The following MACF1 variants were observed in gnomAD, a reference collection of about 807,000 sequenced individuals.
The protein encoded by MACF1 is microtubule actin crosslinking factor 1.
In MACF1, 193 loss-of-function variants were observed where a neutral mutation model predicts 854.8. The observed-to-expected ratio is 0.23, with a 90% confidence interval of 0.20 to 0.25. MACF1 has a LOEUF of 0.25. MACF1 is among the 10% of genes least tolerant of loss of function. The pLI is 1.00. For missense variants in MACF1, 7,722 were observed against 8,929.1 expected (o/e 0.86, Z 5.45); for synonymous variants, 3,185 against 3,226.7 (o/e 0.99, Z 0.44).
At chr1:39,414,066 C>G in intron 58 of MACF1, 4 of 1,605,876 alleles carry the variant, frequency 2.5e-6, no homozygotes, top group Middle Eastern at 1.7e-4. Context: ...CAGAGGAACT[C>G]AGTTCCCCAG....
chr1:39,382,565 G>A (rs531435298), intron 56 of MACF1, among the ~76,000 whole-genome samples: 64 of 151,948 alleles, frequency 4.2e-4, no homozygotes, highest in Admixed American at 7.2e-4. Flanking sequence ...TTAGCCAGGC[G>A]TGGTGGCATG....
chr1:39,100,616 G>A (rs138307452), intron 2 of MACF1, among the ~76,000 whole-genome samples: 2,382 of 151,656 alleles, frequency 0.016, 68 homozygotes, highest in African/African-American at 0.055. Flanking sequence ...AACTTTGGGA[G>A]GCTGAGGTGG....
At chr1:39,102,631 T>C (rs933043987) in intron 2 of MACF1, 20 of 623,494 alleles carry the variant, frequency 3.2e-5, no homozygotes, top group Middle Eastern at 5.1e-4. Flanking sequence ...GGGTATTTGA[T>C]GAGGCTTTAA....
rs1173748558 is a variant in MACF1, at chr1:39,323,011, G to A, written c.4236+3G>A. ...TCCGGCGTCTGGAGGAGGAGGAGGTGAGGACAGTTGGGTCCAAAGTCATCT... is the reference window on the plus strand; with the variant it reads ...TCCGGCGTCTGGAGGAGGAGGAGGTAAGGACAGTTGGGTCCAAAGTCATCT... On this transcript the variant is annotated splice_donor_region_variant and intron_variant, in intron 33 of 100. Transcript: ENST00000564288. 1 of 1,613,882 alleles carries A rather than the reference G, an allele frequency of 6.2e-7. No individual in the cohort carries two copies. Among genetic ancestry groups the A allele is most frequent in the East Asian group, 2.2e-5 (1 of 44,892 alleles).
chr1:39,279,395 G>A (rs1645499883), intron 6 of MACF1, among the ~76,000 whole-genome samples: 1 of 151,126 alleles, frequency 6.6e-6, no homozygotes, highest in East Asian at 1.9e-4. Flanking sequence ...AAAGTTCCTG[G>A]CCCTTTTTTT....
At chr1:39,438,279 A>G (rs1346622391) in intron 71 of MACF1, among the ~76,000 whole-genome samples, 3 of 152,250 alleles carry the variant, frequency 2.0e-5, no homozygotes, top group Non-Finnish European at 2.9e-5. Flanking sequence ...AATAGTGGGT[A>G]GAACATAGCT....
chr1:39,453,671 T>C (rs1644382254), intron 87 of MACF1, 36 bp from the exon 88 acceptor site: 1 of 1,605,608 alleles, frequency 6.2e-7, no homozygotes. Context: ...TAATGTAGAC[T>C]TTTTACGTTT....
intron 58 of MACF1, among the ~76,000 whole-genome samples, chr1:39,390,661 T>C (rs1055279310): frequency 6.6e-6 from 1 of 152,234 alleles, no homozygotes; most frequent in Non-Finnish European, 1.5e-5. Flanking sequence ...CTTTCCTCTT[T>C]TGTTATAAGT....
At position 39,310,204 on chromosome 1, in the gene MACF1, T is replaced by C. The variant is rs755925645; in HGVS notation, c.2917-41T>C. ...ATGGAGGAAAAGAGGAAGTGTTACATTTTTATTCTGTTGCAATTTCTTCTG... is the reference window on the plus strand; with the variant it reads ...ATGGAGGAAAAGAGGAAGTGTTACACTTTTATTCTGTTGCAATTTCTTCTG... On this transcript the variant is annotated intron_variant, in intron 24 of 100. Transcript: ENST00000564288. The C allele has an allele frequency of 5.9e-6, 9 of 1,531,634 alleles. No homozygotes were observed. In the Admixed American group the frequency reaches 1.6e-4, roughly 27 times the overall value. The allele number at this position is 1,531,634 out of a possible 1,614,324, so 94.9% of individuals were successfully genotyped here.
At chr1:39,181,716 C>A (rs893564334) in intron 2 of MACF1, among the ~76,000 whole-genome samples, 1 of 152,080 alleles carries the variant, frequency 6.6e-6, no homozygotes, top group African/African-American at 2.4e-5. Context: ...ACATATAGAT[C>A]AATGGAATAG....
chr1:39,240,378 T>C (rs1644908210), intron 2 of MACF1, among the ~76,000 whole-genome samples: 1 of 152,234 alleles, frequency 6.6e-6, no homozygotes, highest in Non-Finnish European at 1.5e-5. Flanking sequence ...TTTTTAGGGC[T>C]TAATTTCACT....
chr1:39,108,573 C>G (rs780190358), intron 2 of MACF1, among the ~76,000 whole-genome samples: 5 of 145,814 alleles, frequency 3.4e-5, no homozygotes, highest in Non-Finnish European at 7.5e-5. Context: ...TGCAGTGGCA[C>G]GATCTCCACT....
At chr1:39,375,370 C>T (rs1010568334) in intron 52 of MACF1, among the ~76,000 whole-genome samples, 11 of 151,572 alleles carry the variant, frequency 7.3e-5, no homozygotes, top group African/African-American at 1.2e-4. Context: ...GGCACGATCT[C>T]GGCTCACTGC....
intron 97 of MACF1, among the ~76,000 whole-genome samples, chr1:39,477,513 A>T (rs1644931918): frequency 6.6e-6 from 1 of 151,926 alleles, no homozygotes. Context: ...ATGAGACACC[A>T]CACCCAGCCA....
chr1:39,352,628 G>A (rs1240381886), intron 43 of MACF1, among the ~76,000 whole-genome samples: 2 of 152,018 alleles, frequency 1.3e-5, no homozygotes, highest in African/African-American at 4.8e-5. Context: ...AACGATACTC[G>A]TGTCTCAGCC....
intron 98 of MACF1, 49 bp from the exon 99 acceptor site, chr1:39,480,871 T>C (rs1463747046): frequency 4.0e-6 from 4 of 1,000,386 alleles, no homozygotes; most frequent in Non-Finnish European, 6.2e-6. Flanking sequence ...ACCCTTTTTG[T>C]TCCTTTTTCA....
rs911378545 is a variant in MACF1, at chr1:39,340,400, A to T, written c.10216-102A>T. 48 of 780,564 alleles carry T rather than the reference A, an allele frequency of 6.1e-5. No homozygotes were observed. The Admixed American group carries it at 8.1e-4, about 13-fold the overall frequency. 48.4% of individuals were successfully genotyped at this position (780,564 alleles called of 1,614,324 possible). A position where few individuals can be genotyped will look rare whatever the true frequency, so the allele number is the denominator to read the frequency against. ...TACATAAAAACATTTTCTAAGCCCT[A>T]AAGTGTGTGTAGACATGGGGTGAGA... is the stretch of plus-strand genomic sequence containing the variant. On this transcript the variant is annotated intron_variant, in intron 38 of 100. Transcript: ENST00000564288.
intron 1 of MACF1, among the ~76,000 whole-genome samples, chr1:39,216,346 T>C (rs1170658929): frequency 6.6e-6 from 1 of 152,180 alleles, no homozygotes; most frequent in Non-Finnish European, 1.5e-5. Context: ...GGCTTTCTGA[T>C]TTATTGTGGA....
intron 15 of MACF1, among the ~76,000 whole-genome samples, chr1:39,288,802 CATT>C (rs1392352691): frequency 6.6e-6 from 1 of 152,110 alleles, no homozygotes. Context: ...AAAAATAAAA[CATT>C]AAACAAAAAA....
Sources: allele counts gnomAD v4.1 joint callset (sites outside exome capture counted in the v4.1 genomes callset), GRCh38; gene constraint gnomAD v4.1.1; transcripts MANE v1.5; gene names NCBI Gene and HGNC (gene_info 2026-07-23, HGNC 2026-07-21).